Variants in MDGA2 observed in about 807,000 individuals in gnomAD.
The protein encoded by MDGA2 is MAM domain-containing glycosylphosphatidylinositol anchor protein 2.
A neutral mutation model predicts 117.8 loss-of-function variants in MDGA2; 40 were observed. The ratio of observed to expected loss-of-function variants is 0.34; its 90% CI spans 0.26 to 0.44. MDGA2 has a LOEUF of 0.44. Ranked by LOEUF, MDGA2 falls within the 20% of genes least tolerant of loss-of-function variation. The pLI is 1.00. For synonymous variants in MDGA2, 452 were observed against 439.0 expected (o/e 1.03, Z -0.37); for missense variants, 1,123 against 1,250.6 (o/e 0.90, Z 1.54).
chr14:47,454,213 G>C (rs1324684834), intron 1 of MDGA2, among the ~76,000 whole-genome samples: 2 of 152,116 alleles, frequency 1.3e-5, no homozygotes, highest in Non-Finnish European at 2.9e-5. Flanking sequence ...AGGTGGGAGA[G>C]TGTCATAGGC....
intron 2 of MDGA2, among the ~76,000 whole-genome samples, chr14:47,252,915 T>C (rs1219879117): frequency 6.6e-6 from 1 of 152,096 alleles, no homozygotes; most frequent in Admixed American, 6.6e-5. Flanking sequence ...TCAGGAAATT[T>C]AACAATCATG....
intron 6 of MDGA2, among the ~76,000 whole-genome samples, chr14:47,087,963 G>T (rs58320999): frequency 6.6e-6 from 1 of 152,016 alleles, no homozygotes; most frequent in East Asian, 1.9e-4. Context: ...ATTTTCTCTT[G>T]GCTAGAGTAA....
rs11455841 is a variant in MDGA2 at position 47,239,222 on chromosome 14, TA to T, written c.421-21028del. On this transcript the variant is annotated intron_variant, in intron 2 of 16. Transcript: ENST00000399232. ...AACCTTTACGAAAGTCAAAATTTAT[TA>T]AAAAAAAAAAAGGGCTCTGATAAGT... Among the ~76,000 whole-genome samples, 500 of 144,324 alleles carry T rather than the reference TA, an allele frequency of 3.5e-3. 5 individuals carry two copies. The highest frequency in any genetic ancestry group is 8.9e-3 in the African/African-American group (353 of 39,600). The allele number at this position is 144,324 out of a possible 152,430, so 94.7% of individuals were successfully genotyped here. A position where few individuals can be genotyped will look rare whatever the true frequency, so the allele number is the denominator to read the frequency against.
At chr14:47,401,052 C>G (rs1298994735) in intron 1 of MDGA2, among the ~76,000 whole-genome samples, 2 of 151,556 alleles carry the variant, frequency 1.3e-5, no homozygotes, top group Non-Finnish European at 2.9e-5. Flanking sequence ...CCACCGTGCC[C>G]GGCCGGCATT....
chr14:46,965,785 G>A (rs566080308), intron 8 of MDGA2, among the ~76,000 whole-genome samples: 1 of 152,056 alleles, frequency 6.6e-6, no homozygotes, highest in African/African-American at 2.4e-5. Flanking sequence ...AAAAAAGTTA[G>A]AGCTCACTAT....
At chr14:47,295,664 G>A (rs1889039963) in intron 2 of MDGA2, among the ~76,000 whole-genome samples, 1 of 152,136 alleles carries the variant, frequency 6.6e-6, no homozygotes, top group Non-Finnish European at 1.5e-5. Context: ...AGCACTTTGG[G>A]AGGCTGAGGT....
chr14:46,987,277 T>A (rs1279864602), intron 8 of MDGA2, among the ~76,000 whole-genome samples: 1 of 152,090 alleles, frequency 6.6e-6, no homozygotes, highest in African/African-American at 2.4e-5. Context: ...GGTTTGTTTG[T>A]CCATGTGATG....
chr14:46,915,405 A>G (rs2087886448), intron 10 of MDGA2, among the ~76,000 whole-genome samples: 1 of 152,188 alleles, frequency 6.6e-6, no homozygotes, highest in South Asian at 2.1e-4. Context: ...CATCCTATGC[A>G]TGTAAGAAAA....
At chr14:47,519,760 C>T (rs1894831395) in intron 1 of MDGA2, among the ~76,000 whole-genome samples, 1 of 152,036 alleles carries the variant, frequency 6.6e-6, no homozygotes, top group Non-Finnish European at 1.5e-5. Context: ...GCATTCTTAC[C>T]TTAATAAGCT....
At chr14:47,563,740 A>AT (rs1226606381) in intron 1 of MDGA2, among the ~76,000 whole-genome samples, 1 of 151,714 alleles carries the variant, frequency 6.6e-6, no homozygotes, top group African/African-American at 2.4e-5. Flanking sequence ...TAATTGGGCC[A>AT]TTTAGCCCCT....
At chr14:47,620,268 A>G (rs1419152049) in intron 1 of MDGA2, among the ~76,000 whole-genome samples, 1 of 152,246 alleles carries the variant, frequency 6.6e-6, no homozygotes, top group African/African-American at 2.4e-5. Flanking sequence ...AATGACAGCA[A>G]TAACTAGCAG....
intron 3 of MDGA2, among the ~76,000 whole-genome samples, chr14:47,189,776 C>G (rs1301795240): frequency 6.6e-6 from 1 of 152,004 alleles, no homozygotes; most frequent in Non-Finnish European, 1.5e-5. Context: ...TTGAAGAGTA[C>G]AGAATTAAAG....
Position 47,674,857 on chromosome 14 carries a change from T to A in MDGA2, c.-61A>T. ...CACAACACAATACCCTGACACACAC[T>A]CACACGCACGCCGCACTCACACCGG... On this transcript the variant is annotated 5_prime_UTR_variant, in exon 1 of 17. Coordinates refer to ENST00000399232, the MANE Select transcript of MDGA2 (RefSeq NM_001113498.3). The A allele has an allele frequency of 1.9e-5, 11 of 569,302 alleles. No individual in the cohort carries two copies. Among genetic ancestry groups the A allele is most frequent in the South Asian group, 4.2e-5 (2 of 47,968 alleles). The allele number at this position is 569,302 out of a possible 1,614,324, so 35.3% of individuals were successfully genotyped here.
intron 1 of MDGA2, among the ~76,000 whole-genome samples, chr14:47,522,230 A>G (rs1455045404): frequency 6.6e-6 from 1 of 152,192 alleles, no homozygotes; most frequent in Admixed American, 6.5e-5. Context: ...AATGCAAGTT[A>G]ACATGTGAAA....
At chr14:47,078,248 G>A (rs563059786) in intron 6 of MDGA2, among the ~76,000 whole-genome samples, 2 of 152,208 alleles carry the variant, frequency 1.3e-5, no homozygotes, top group Admixed American at 1.3e-4. Flanking sequence ...TCATCCTTCA[G>A]AATGAGATCT....
chr14:47,584,396 A>G (rs1429725415), intron 1 of MDGA2, among the ~76,000 whole-genome samples: 2 of 151,840 alleles, frequency 1.3e-5, no homozygotes, highest in African/African-American at 4.8e-5. Context: ...TTCAATCAAT[A>G]CTTGATGACT....
intron 1 of MDGA2, among the ~76,000 whole-genome samples, chr14:47,659,009 C>T (rs995776372): frequency 2.6e-5 from 4 of 152,162 alleles, no homozygotes; most frequent in Non-Finnish European, 4.4e-5. Flanking sequence ...AATAAACCAC[C>T]TGCATGTAAA....
At chr14:47,177,673 A>G (rs1224130349) in intron 3 of MDGA2, among the ~76,000 whole-genome samples, 1 of 152,152 alleles carries the variant, frequency 6.6e-6, no homozygotes, top group Non-Finnish European at 1.5e-5. Context: ...GTGGGGAGGG[A>G]TAGCAGTAGG....
intron 6 of MDGA2, among the ~76,000 whole-genome samples, chr14:47,079,695 CTG>C (rs1294825349): frequency 9.1e-6 from 1 of 109,774 alleles, no homozygotes; most frequent in Non-Finnish European, 2.0e-5. Context: ...GTCAAATATA[CTG>C]TGTTATTTGT....
Sources: gnomAD v4.1 joint callset for allele counts (sites outside exome capture counted in the v4.1 genomes callset) on GRCh38, gnomAD v4.1.1 for gene constraint, MANE v1.5 for transcripts, NCBI Gene and HGNC (gene_info 2026-07-23, HGNC 2026-07-21) for gene names.